NEMF: variants seen among roughly 807,000 people sequenced by gnomAD.
NEMF encodes nuclear export mediator factor.
NEMF carries 89 observed loss-of-function variants against 162.2 expected under a neutral mutation model. That is an observed-to-expected ratio of 0.55 (90% confidence interval 0.46 to 0.65). The LOEUF is 0.65. Ranked by LOEUF, NEMF falls within the 30% of genes least tolerant of loss-of-function variation. The pLI is 0.00. For synonymous variants in NEMF, 421 were observed against 404.5 expected (o/e 1.04, Z -0.49); for missense variants, 1,133 against 1,261.9 (o/e 0.90, Z 1.55).
At chr14:49,826,032 G>T in intron 15 of NEMF, 77 bp from the exon 16 acceptor site, 9 of 943,458 alleles carry the variant, frequency 9.5e-6, no homozygotes, top group East Asian at 2.6e-5. Flanking sequence ...AATGGGGCAA[G>T]AATTTTTTTA....
chr14:49,835,135 G>C (rs536246396), intron 6 of NEMF, among the ~76,000 whole-genome samples: 58 of 151,990 alleles, frequency 3.8e-4, no homozygotes, highest in Non-Finnish European at 6.6e-4. Context: ...GGGAGGCGGA[G>C]GCTGTGGCGA....
At chr14:49,787,013 T>A (rs1011806633) in intron 28 of NEMF, 4 of 358,004 alleles carry the variant, frequency 1.1e-5, no homozygotes, top group Non-Finnish European at 2.0e-5. Context: ...AGGTGGGAAC[T>A]GAAACTTTCA....
intron 4 of NEMF, chr14:49,844,917 C>T: frequency 1.4e-5 from 3 of 220,232 alleles, no homozygotes; most frequent in East Asian, 1.1e-4. Flanking sequence ...TACAGGCACG[C>T]ACCACCACAC....
intron 19 of NEMF, among the ~76,000 whole-genome samples, chr14:49,805,307 C>T (rs948635975): frequency 6.6e-6 from 1 of 152,032 alleles, no homozygotes; most frequent in Non-Finnish European, 1.5e-5. Flanking sequence ...TTATAATTCT[C>T]AAAAGTATGA....
At chr14:49,852,519 G>A (rs112678255) in intron 1 of NEMF, among the ~76,000 whole-genome samples, 176 bp downstream of exon 1, 533 of 152,382 alleles carry the variant, frequency 3.5e-3, no homozygotes, top group African/African-American at 0.012. Context: ...GGGACCCCCA[G>A]GGGTATCCTA....
At chr14:49,814,695 T>C (rs1296432335) in intron 17 of NEMF, 59 bp downstream of exon 17, 37 of 869,810 alleles carry the variant, frequency 4.3e-5, no homozygotes, top group Non-Finnish European at 6.7e-5. Context: ...ATGCCTAATA[T>C]TGAGATAACT....
chr14:49,841,735 A>G (rs1213852826), intron 4 of NEMF, among the ~76,000 whole-genome samples: 1 of 152,178 alleles, frequency 6.6e-6, no homozygotes, highest in Non-Finnish European at 1.5e-5. Context: ...TTTGCCCACA[A>G]ATTTCCACAT....
At chr14:49,794,684 A>ATT (rs1376983267) in intron 26 of NEMF, among the ~76,000 whole-genome samples, 1 of 149,642 alleles carries the variant, frequency 6.7e-6, no homozygotes, top group Non-Finnish European at 1.5e-5. Flanking sequence ...CTGATAAATT[A>ATT]GCCCATAATC....
intron 4 of NEMF, among the ~76,000 whole-genome samples, chr14:49,842,143 G>GAAA (rs11380094): frequency 6.9e-6 from 1 of 145,400 alleles, no homozygotes; most frequent in Non-Finnish European, 1.5e-5. Flanking sequence ...ATCTACAATA[G>GAAA]AAAAAAAAAA....
At chr14:49,809,357 C>T (rs1891361607) in intron 18 of NEMF, among the ~76,000 whole-genome samples, 1 of 151,954 alleles carries the variant, frequency 6.6e-6, no homozygotes, top group Non-Finnish European at 1.5e-5. Context: ...GCTATCAAGC[C>T]ATGAAGAGAC....
intron 3 of NEMF, among the ~76,000 whole-genome samples, chr14:49,848,256 A>G (rs988903076): frequency 1.3e-5 from 2 of 152,144 alleles, no homozygotes; most frequent in African/African-American, 2.4e-5. Context: ...ATCCAATGTA[A>G]TAACTCTCAT....
chr14:49,806,686 T>C (rs1025699248), intron 18 of NEMF, among the ~76,000 whole-genome samples: 1 of 152,132 alleles, frequency 6.6e-6, no homozygotes, highest in African/African-American at 2.4e-5. Flanking sequence ...CCTACGTAAA[T>C]AAAACATGTC....
chr14:49,797,310 C>G (rs1401500744), intron 25 of NEMF: 2 of 151,336 alleles, frequency 1.3e-5, no homozygotes, highest in African/African-American at 4.9e-5. Flanking sequence ...CTTGCTTCTA[C>G]TTGCTTCCTG....
chr14:49,790,744 CTT>C (rs1191549643), intron 26 of NEMF, among the ~76,000 whole-genome samples: 1 of 152,202 alleles, frequency 6.6e-6, no homozygotes, highest in Non-Finnish European at 1.5e-5. Flanking sequence ...AATCCCAACA[CTT>C]TGGGAGGTCT....
In NEMF at chr14:49,783,060, G is replaced by A; in HGVS notation, c.*1576C>T. On this transcript the variant is annotated 3_prime_UTR_variant, in exon 33 of 33. Coordinates refer to ENST00000298310, the MANE Select transcript of NEMF (RefSeq NM_004713.6). ...ATATGCATTGTTGTAGTTTGCACCT[G>A]TTGGTTTTAATGTGCATGTGAATGG... 2 of 1,248,028 alleles carry A rather than the reference G, an allele frequency of 1.6e-6. No homozygotes were observed. Among genetic ancestry groups the A allele is most frequent in the Non-Finnish European group, 2.2e-6 (2 of 911,092 alleles). The allele number at this position is 1,248,028 out of a possible 1,614,324, so 77.3% of individuals were successfully genotyped here.
At chr14:49,847,349 G>A (rs937597868) in intron 3 of NEMF, among the ~76,000 whole-genome samples, 7 of 151,760 alleles carry the variant, frequency 4.6e-5, no homozygotes, top group East Asian at 3.9e-4. Context: ...GACTACAGGC[G>A]CCCACTACCA....
rs1890341427 is a variant in NEMF, at chr14:49,789,510, T to A, written c.2683A>T (p.Met895Leu). The A allele has an allele frequency of 6.2e-7, 1 of 1,612,296 alleles. No individual in the cohort carries two copies. Among genetic ancestry groups the A allele is most frequent in the Non-Finnish European group, 8.5e-7 (1 of 1,179,620 alleles). ...DQDEEDRELI[M>L]KLLGSAGSNK... ...ATGTTATTTACCCCCAGCAACTTCA[T>A]GATAAGTTCACGGTCTTCTTCATCC... is the stretch of plus-strand genomic sequence containing the variant. Residue 895 changes from methionine (M) to leucine (L), a missense_variant, in exon 27 of 33, where the codon ATG becomes TTG. Physicochemically the swap from Met to Leu is conservative, Grantham distance 15. Coordinates refer to ENST00000298310, the MANE Select transcript of NEMF (RefSeq NM_004713.6).
chr14:49,837,658 T>G (rs1032780419), intron 6 of NEMF, among the ~76,000 whole-genome samples: 4 of 152,020 alleles, frequency 2.6e-5, no homozygotes, highest in Admixed American at 2.0e-4. Flanking sequence ...TCTCTAGTGC[T>G]CAGTAATCAA....
intron 26 of NEMF, among the ~76,000 whole-genome samples, chr14:49,792,023 G>A (rs1415589647): frequency 6.6e-6 from 1 of 151,620 alleles, no homozygotes; most frequent in African/African-American, 2.4e-5. Context: ...CACACCTGTG[G>A]TCTCAGCTAC....
Sources: allele counts gnomAD v4.1 joint callset (sites outside exome capture counted in the v4.1 genomes callset), GRCh38; gene constraint gnomAD v4.1.1; transcripts MANE v1.5; gene names NCBI Gene and HGNC (gene_info 2026-07-23, HGNC 2026-07-21).